Variants in RNF213 observed in about 807,000 individuals in gnomAD.
RNF213 encodes ring finger protein 213.
Under a neutral mutation model 514.4 loss-of-function variants are expected in RNF213, and 341 were observed. That is an observed-to-expected ratio of 0.66 (90% CI 0.61 to 0.73). The LOEUF (loss-of-function observed/expected upper bound fraction) is 0.73, where lower values mean the gene tolerates loss of function less well. Among genes scored for constraint, RNF213 ranks in the 30% least tolerant of loss-of-function variants. RNF213 has a pLI of 0.00. For synonymous variants in RNF213, 2,655 were observed against 2,658.2 expected, an observed-to-expected ratio of 1.00 and a Z score of 0.04; for missense variants, 5,767 against 6,615.6, an observed-to-expected ratio of 0.87 and a Z score of 4.45.
chr17:80,339,580 T>C lies in RNF213; in HGVS notation c.5213T>C (p.Leu1738Pro). The stretch of plus-strand genomic sequence containing the variant: ...TCCTTCATCAAAAGCAACTGCACCC[T>C]GAGGGATGTCTTAAGGGCCTCTGTG... ...MLSFIKSNCTLRDVLRASVGC... is the reference protein window; with the variant it reads ...MLSFIKSNCTPRDVLRASVGC... The change falls in exon 26 of 68, where the codon CTG becomes CCG. Residue 1738 changes from leucine to proline, a missense_variant. Leu to Pro is a moderately conservative substitution (Grantham distance 98). Transcript: ENST00000582970. The C allele has an allele frequency of 6.5e-7, 1 of 1,537,154 alleles. No individual in the cohort carries two copies. Among genetic ancestry groups the C allele is most frequent in the South Asian group, 1.2e-5 (1 of 84,052 alleles).
rs564115239 is a variant in RNF213, at chr17:80,348,579, TG to T, written c.9951+294del. 9.8e-5 allele frequency among the ~76,000 whole-genome samples: 15 copies of T among 152,336 alleles called. No individual in the cohort carries two copies. In the South Asian group the frequency reaches 2.9e-3, roughly 29 times the overall value. ...GCCAAGGGCACTAGGGACGCACAGA[TG>T]AATCTGTAGCCCTTGTCCTTTGTTA... On this transcript the variant is annotated intron_variant, in intron 29 of 67. Coordinates refer to ENST00000582970, the MANE Select transcript of RNF213 (RefSeq NM_001256071.3).
At chr17:80,270,518 G>A (rs1045420925) in intron 2 of RNF213, among the ~76,000 whole-genome samples, 2 of 152,208 alleles carry the variant, frequency 1.3e-5, no homozygotes, top group African/African-American at 2.4e-5. Context: ...TCTCTCCAGC[G>A]TTCAGAATGA....
At position 80,347,433 on chromosome 17, in the gene RNF213, A is replaced by G; in HGVS notation, c.9098A>G (p.Glu3033Gly). 1 of 1,614,030 alleles carries G rather than the reference A, an allele frequency of 6.2e-7. No homozygotes were observed. The change falls in exon 29 of 68, where the codon GAG becomes GGG. Residue 3033 changes from glutamate to glycine, a missense_variant. By Grantham distance (98) the Glu-to-Gly change is moderately conservative. Around this residue, in one of 13 missense-constraint regions of RNF213, gnomAD observed 919 missense variants for 1,121.0 expected, o/e 0.82. Coordinates refer to ENST00000582970, the MANE Select transcript of RNF213 (RefSeq NM_001256071.3). This position sits in a 1 kb window ranked among gnomAD's most constrained non-coding sequence, Gnocchi z 7.2. ...CCTTCTCAGAAGGTGCCGGGTGGAGAGCAGGAAGATGCTGAGTCCCGCTAC... is the reference window on the plus strand; with the variant it reads ...CCTTCTCAGAAGGTGCCGGGTGGAGGGCAGGAAGATGCTGAGTCCCGCTAC... Reference protein sequence around the residue: ...FGPSQKVPGGEQEDAESRYLL... With the variant: ...FGPSQKVPGGGQEDAESRYLL...
intron 14 of RNF213, 149 bp from the exon 15 acceptor site, chr17:80,312,862 TG>T: frequency 1.2e-6 from 1 of 805,638 alleles, no homozygotes; most frequent in Non-Finnish European, 2.0e-6. Context: ...TTTGGGAATG[TG>T]GGCTTCTGCC....
At chr17:80,275,186 T>C (rs988518737) in intron 3 of RNF213, among the ~76,000 whole-genome samples, 24 of 148,402 alleles carry the variant, frequency 1.6e-4, no homozygotes, top group African/African-American at 6.0e-4. Flanking sequence ...GTGTGTATGT[T>C]GGGGTGTGTG....
At chr17:80,287,674 A>G (rs1682628783) in intron 3 of RNF213, 141 bp from the exon 4 acceptor site, 1 of 812,456 alleles carries the variant, frequency 1.2e-6, no homozygotes, top group Non-Finnish European at 2.1e-6. Context: ...TTTCCAGGAA[A>G]TTGCAGATTT....
At position 80,360,083 on chromosome 17, in the gene RNF213, A is replaced by C. The variant is rs1162300130; in HGVS notation, c.11077A>C (p.Ile3693Leu). ...CAGACATAAAGGTGAGATGGCCTAC[A>C]TCGTGGTGCAGAACCACATGAACCT... ...NERHKGEMAY[I>L]VVQNHMNLSE... Residue 3693 changes from isoleucine (I) to leucine (L), a missense_variant, in exon 38 of 68, where the codon ATC (isoleucine) becomes CTC (leucine). This residue lies in a region of RNF213 where 919 missense variants were observed against 1,121.0 expected (regional missense o/e 0.82). Transcript: ENST00000582970. The C allele has an allele frequency of 6.2e-7, 1 of 1,614,090 alleles. No individual in the cohort carries two copies. The highest frequency in any genetic ancestry group is 8.5e-7 in the Non-Finnish European group (1 of 1,180,044).
At chr17:80,361,957 G>A in intron 39 of RNF213, 69 bp downstream of exon 39, 1 of 1,546,342 alleles carries the variant, frequency 6.5e-7, no homozygotes, top group Non-Finnish European at 8.9e-7. Flanking sequence ...TGCAGACACG[G>A]AGACGTTTCC....
At chr17:80,315,803 AGGTGGTGGTGGTGGTGGTGGT>A (rs1490707423) in intron 15 of RNF213, 2 of 19,736 alleles carry the variant, frequency 1.0e-4, no homozygotes, top group African/African-American at 1.7e-4. Flanking sequence ...GTGGTGGTGG[AGGTGGTGGTGGTGGTGGTGGT>A]GGTGATGGTG....
chr17:80,375,864 G>A lies in RNF213; in HGVS notation c.13179G>A (p.Thr4393=), dbSNP rs371433961. 7.7e-4 allele frequency: 1,239 copies of A among 1,607,612 alleles called. 24 individuals carry two copies. The South Asian group carries it at 0.013, about 17-fold the overall frequency. ...YRSHNASLHP[T]PEQCEAVSKF... ...CCCACAATGCAAGCCTCCACCCCAC[G>A]CCAGAGGTGAGTAACCGCCTGCAGG... Residue 4393 remains threonine, a synonymous_variant, in exon 51 of 68, where the codon ACG becomes ACA. Transcript: ENST00000582970.
Position 80,295,562 on chromosome 17 carries a change from G to A in RNF213, c.1761G>A (p.Lys587=), listed in dbSNP as rs138196543. The A allele has an allele frequency of 2.9e-4, 466 of 1,614,168 alleles. No individual in the cohort carries two copies. The African/African-American group carries it at 5.6e-3, about 19-fold the overall frequency. The part of the protein sequence containing the change: ...TDLQYREKEV[K]RYLWQHLKKH... ...TCCTCTTCTCCCACCATCAGGTGAA[G>A]AGATACCTGTGGCAACATCTGAAAA... Residue 587 remains lysine (K), a synonymous_variant, in exon 10 of 68, where the codon AAG becomes AAA. Transcript: ENST00000582970.
intron 14 of RNF213, among the ~76,000 whole-genome samples, chr17:80,309,858 C>G (rs565191129): frequency 6.6e-6 from 1 of 151,486 alleles, no homozygotes; most frequent in East Asian, 2.0e-4. Context: ...TGGGTTCACG[C>G]CATTCTCCTG....
At chr17:80,286,679 A>G (rs1490625995) in intron 3 of RNF213, among the ~76,000 whole-genome samples, 1 of 152,018 alleles carries the variant, frequency 6.6e-6, no homozygotes, top group Non-Finnish European at 1.5e-5. Context: ...ATGTGGGTGC[A>G]GGAGGTGGGG....
intron 17 of RNF213, among the ~76,000 whole-genome samples, chr17:80,322,942 TC>T (rs1224955859): frequency 6.6e-6 from 1 of 152,232 alleles, no homozygotes; most frequent in East Asian, 1.9e-4. Flanking sequence ...TGTCAAAGAA[TC>T]CTTTGCCAAA....
chr17:80,283,247 TG>T (rs2044359851), intron 3 of RNF213, among the ~76,000 whole-genome samples: 1 of 151,370 alleles, frequency 6.6e-6, no homozygotes, highest in Non-Finnish European at 1.5e-5. Context: ...GAGAAGTAAG[TG>T]GTCCCTAACT....
intron 22 of RNF213, among the ~76,000 whole-genome samples, chr17:80,334,665 C>T (rs1321033642): frequency 9.9e-5 from 15 of 151,022 alleles, no homozygotes; most frequent in Admixed American, 4.0e-4. Context: ...CTCGCTCTGT[C>T]GCCCAGGCTG....
In RNF213 at chr17:80,373,297, C is replaced by T. The variant is rs2079599788; in HGVS notation, c.12942+132C>T. On this transcript the variant is annotated intron_variant, in intron 49 of 67. Transcript: ENST00000582970. Reference sequence around the variant, plus strand: ...CCCCTCACACCTTCCCCACCACATACCCTCATACCCCCACACCTCACCCTC... The same window carrying T: ...CCCCTCACACCTTCCCCACCACATATCCTCATACCCCCACACCTCACCCTC... 28 of 659,710 alleles carry T rather than the reference C, an allele frequency of 4.2e-5. No individual in the cohort carries two copies. The South Asian group carries it at 5.0e-4, about 12-fold the overall frequency. 40.9% of individuals were successfully genotyped at this position (659,710 alleles called of 1,614,324 possible).
chr17:80,295,872 G>C (rs1387942535), intron 10 of RNF213, 59 bp downstream of exon 10: 1 of 1,585,840 alleles, frequency 6.3e-7, no homozygotes, highest in Non-Finnish European at 8.6e-7. Flanking sequence ...TTCTCTGATT[G>C]CAAAAATAAG....
intron 54 of RNF213, among the ~76,000 whole-genome samples, chr17:80,378,121 T>C (rs572186312): frequency 1.2e-3 from 189 of 152,304 alleles, no homozygotes; most frequent in African/African-American, 4.3e-3. Flanking sequence ...AAACCAGACA[T>C]TGACAAAGGT....
Sources: gnomAD v4.1 joint callset for allele counts (sites outside exome capture counted in the v4.1 genomes callset) on GRCh38, gnomAD v4.1.1 for gene constraint, gnomAD v4.1.1 regional missense constraint, Gnocchi (gnomAD v3.1) non-coding constraint, MANE v1.5 for transcripts, NCBI Gene and HGNC (gene_info 2026-07-23, HGNC 2026-07-21) for gene names.